Variants in COL26A1 observed in about 807,000 individuals in gnomAD.
COL26A1 encodes collagen type XXVI alpha 1 chain, also known as collagen alpha-1(XXVI) chain.
Under a neutral mutation model 59.3 loss-of-function variants are expected in COL26A1, and 41 were observed. The observed-to-expected ratio is 0.69, with a 90% CI of 0.54 to 0.90. The LOEUF is 0.90. Ranked by LOEUF, COL26A1 falls within the 40% of genes least tolerant of loss-of-function variation. COL26A1 has a pLI of 0.00. For missense variants in COL26A1, 612 were observed against 602.3 expected, an observed-to-expected ratio of 1.02 and a Z score of -0.17; for synonymous variants, 266 against 256.0, an observed-to-expected ratio of 1.04 and a Z score of -0.37.
intron 1 of COL26A1, among the ~76,000 whole-genome samples, chr7:101,398,893 G>C (rs1484321611): frequency 6.6e-6 from 1 of 152,108 alleles, no homozygotes; most frequent in Non-Finnish European, 1.5e-5. Flanking sequence ...CTGATTCTGT[G>C]CTGGGAAGGT....
intron 3 of COL26A1, among the ~76,000 whole-genome samples, chr7:101,467,941 A>C (rs952272924): frequency 6.6e-6 from 1 of 152,166 alleles, no homozygotes; most frequent in Non-Finnish European, 1.5e-5. Flanking sequence ...ACCCTTTTCT[A>C]TTGGCACGGC....
At chr7:101,425,150 G>T (rs1792614770) in intron 2 of COL26A1, among the ~76,000 whole-genome samples, 1 of 147,726 alleles carries the variant, frequency 6.8e-6, no homozygotes, top group South Asian at 2.1e-4. Context: ...ACTTTGGGAG[G>T]CTCAGATGGG....
intron 1 of COL26A1, among the ~76,000 whole-genome samples, chr7:101,391,309 T>C (rs929674156): frequency 6.6e-5 from 10 of 151,946 alleles, no homozygotes; most frequent in Non-Finnish European, 1.5e-4. Flanking sequence ...CGGGATTCTA[T>C]TTTTTTTATT....
intron 3 of COL26A1, among the ~76,000 whole-genome samples, chr7:101,472,245 A>G (rs1380186220): frequency 3.3e-5 from 5 of 152,114 alleles, no homozygotes; most frequent in Non-Finnish European, 5.9e-5. Context: ...AGCTCAAGCA[A>G]TCTGCCGACC....
At chr7:101,466,922 C>A (rs148464985) in intron 3 of COL26A1, among the ~76,000 whole-genome samples, 1 of 151,404 alleles carries the variant, frequency 6.6e-6, no homozygotes, top group Non-Finnish European at 1.5e-5. Context: ...AGCACCCTGT[C>A]AGGTAGAGGG....
intron 3 of COL26A1, among the ~76,000 whole-genome samples, chr7:101,474,665 A>G (rs915827396): frequency 6.6e-6 from 1 of 152,216 alleles, no homozygotes; most frequent in African/African-American, 2.4e-5. Context: ...AGGCCTCTGC[A>G]TGATGGTAGA....
chr7:101,481,452 AT>A (rs1794153466), intron 3 of COL26A1, among the ~76,000 whole-genome samples: 1 of 147,784 alleles, frequency 6.8e-6, no homozygotes, highest in African/African-American at 2.5e-5. Context: ...CCCAAAATAT[AT>A]ATATATATAT....
intron 1 of COL26A1, among the ~76,000 whole-genome samples, chr7:101,406,390 G>A (rs1033246679): frequency 6.6e-6 from 1 of 152,176 alleles, no homozygotes; most frequent in Non-Finnish European, 1.5e-5. Flanking sequence ...ACTCCCTGCG[G>A]TGTTGAGGCG....
At chr7:101,437,137 A>G (rs575590009) in intron 2 of COL26A1, among the ~76,000 whole-genome samples, 4 of 152,290 alleles carry the variant, frequency 2.6e-5, no homozygotes, top group African/African-American at 9.6e-5. Flanking sequence ...GTGGAGAAGG[A>G]TGTCAGACAA....
chr7:101,513,017 A>G (rs1247736077), intron 3 of COL26A1, among the ~76,000 whole-genome samples: 1 of 151,478 alleles, frequency 6.6e-6, no homozygotes, highest in African/African-American at 2.4e-5. Context: ...TATTATTATT[A>G]TTATTTTGAG....
chr7:101,553,076 A>G, intron 10 of COL26A1: 1 of 360,342 alleles, frequency 2.8e-6, no homozygotes. Flanking sequence ...CCCCAGAAGC[A>G]GAATGAAGCA....
chr7:101,380,267 G>A (rs1334655462), intron 1 of COL26A1, among the ~76,000 whole-genome samples: 2 of 150,724 alleles, frequency 1.3e-5, no homozygotes, highest in Non-Finnish European at 2.9e-5. Context: ...TGGGATTACA[G>A]GCGTAAGCTA....
At chr7:101,475,785 T>TTTCTTTCCTTCC (rs1794020783) in intron 3 of COL26A1, among the ~76,000 whole-genome samples, 2 of 100,822 alleles carry the variant, frequency 2.0e-5, no homozygotes, top group African/African-American at 1.7e-4. Flanking sequence ...TCTTTCTTTC[T>TTTCTTTCCTTCC]TTCCTTCCTT....
At chr7:101,426,368 A>G (rs1199193386) in intron 2 of COL26A1, among the ~76,000 whole-genome samples, 2 of 152,026 alleles carry the variant, frequency 1.3e-5, no homozygotes, top group East Asian at 3.9e-4. Context: ...TCACCTCACA[A>G]TCTATCTGGG....
At chr7:101,495,553 C>A (rs1434791620) in intron 3 of COL26A1, among the ~76,000 whole-genome samples, 1 of 151,966 alleles carries the variant, frequency 6.6e-6, no homozygotes, top group African/African-American at 2.4e-5. Context: ...GGACTACAGG[C>A]ACCCACCACC....
intron 3 of COL26A1, among the ~76,000 whole-genome samples, chr7:101,486,654 C>A (rs865835094): frequency 6.6e-6 from 1 of 152,346 alleles, no homozygotes; most frequent in Middle Eastern, 3.4e-3. Context: ...GTTGTTAATC[C>A]ACATCCCGGT....
At chr7:101,533,979 A>G (rs1795424850) in intron 4 of COL26A1, among the ~76,000 whole-genome samples, 1 of 152,212 alleles carries the variant, frequency 6.6e-6, no homozygotes, top group Non-Finnish European at 1.5e-5. Flanking sequence ...TGGGGCGCCA[A>G]CAGTGTCTGC....
At position 101,551,120 on chromosome 7, in the gene COL26A1, G is replaced by A. The variant is rs1372520753; in HGVS notation, c.1006G>A (p.Glu336Lys). 3 of 1,559,250 alleles carry A rather than the reference G, an allele frequency of 1.9e-6. No homozygotes were observed. The highest frequency in any genetic ancestry group is 2.6e-6 in the Non-Finnish European group (3 of 1,151,510). The change falls in exon 10 of 13, where the codon GAG becomes AAG. Residue 336 changes from glutamate (E) to lysine (K), a missense_variant. By Grantham distance (56) the Glu-to-Lys change is moderately conservative. Transcript: ENST00000313669. ...GTPGSQGLAG[E>K]RGTVGPSGEP... ...TGGTTTTCTGCAGGGCCTGGCTGGA[G>A]AGCGAGGCACAGTGGGGCCGTCCGT...
chr7:101,537,393 G>A lies in COL26A1; in HGVS notation c.448-2500G>A, dbSNP rs572957735. ...TCTCTGGTGCAGAGGGCAGTGTCCC[G>A]GCTAGTCTGCCAGGCCACAATGACA... is the stretch of plus-strand genomic sequence containing the variant. On this transcript the variant is annotated intron_variant, in intron 4 of 12. Coordinates refer to ENST00000313669, the MANE Select transcript of COL26A1 (RefSeq NM_001278563.3). 1.4e-4 allele frequency among the ~76,000 whole-genome samples: 21 copies of A among 152,328 alleles called. No homozygotes were observed. The South Asian group carries it at 4.1e-3, about 30-fold the overall frequency.
Sources: gnomAD v4.1 joint callset for allele counts (sites outside exome capture counted in the v4.1 genomes callset) on GRCh38, gnomAD v4.1.1 for gene constraint, MANE v1.5 for transcripts, NCBI Gene and HGNC (gene_info 2026-07-23, HGNC 2026-07-21) for gene names.